SLC38A1: variants seen among roughly 807,000 people sequenced by gnomAD.
SLC38A1 encodes the protein solute carrier family 38 member 1, also known as sodium-coupled neutral amino acid symporter 1.
In SLC38A1, 18 loss-of-function variants were observed where a neutral mutation model predicts 60.3. The ratio of observed to expected loss-of-function variants is 0.30; its 90% confidence interval spans 0.21 to 0.44. The LOEUF (loss-of-function observed/expected upper bound fraction) is 0.44, where lower values mean the gene tolerates loss of function less well. Among genes scored for constraint, SLC38A1 ranks in the 20% least tolerant of loss-of-function variants. The probability of loss-of-function intolerance (pLI) is 1.00; values close to 1 mark genes in which losing one functional copy is unlikely to be tolerated. For missense variants in SLC38A1, 448 were observed against 587.2 expected, an observed-to-expected ratio of 0.76 and a Z score of 2.45; for synonymous variants, 196 against 212.1, an observed-to-expected ratio of 0.92 and a Z score of 0.66.
intron 5 of SLC38A1, among the ~76,000 whole-genome samples, chr12:46,213,003 T>C (rs1000858133): frequency 2.6e-5 from 4 of 152,214 alleles, no homozygotes; most frequent in South Asian, 2.1e-4. Context: ...ATTGTGCTCT[T>C]TAACTCAAAC....
intron 16 of SLC38A1, chr12:46,197,384 C>T (rs948772095): frequency 1.7e-5 from 3 of 178,582 alleles, no homozygotes; most frequent in South Asian, 1.5e-4. Flanking sequence ...TGGTGGCGGG[C>T]GCCTGTAGTC....
At chr12:46,222,785 C>G (rs1254598631) in intron 5 of SLC38A1, among the ~76,000 whole-genome samples, 1 of 152,114 alleles carries the variant, frequency 6.6e-6, no homozygotes, top group African/African-American at 2.4e-5. Context: ...ATGCAGGAAC[C>G]CACATGACAA....
In SLC38A1 at chr12:46,216,873, C is replaced by A. The variant is rs547347574; in HGVS notation, c.315-7746G>T. Among the ~76,000 whole-genome samples the A allele has an allele frequency of 2.1e-3, 317 of 150,600 alleles. 2 individuals are homozygous for A. Among genetic ancestry groups the A allele is most frequent in the African/African-American group, 7.5e-3 (304 of 40,688 alleles). ...AGATGCCGTTTCAAAAAAAAAAAAT[C>A]CTTTGTTTAATGAGAGCTCAGATGG... On this transcript the variant is annotated intron_variant, in intron 5 of 16. Transcript: ENST00000398637.
chr12:46,206,123 A>G lies in SLC38A1; in HGVS notation c.603T>C (p.Val201=), dbSNP rs765161294. Residue 201 remains valine (V), a synonymous_variant, in exon 9 of 17, where the codon GTT becomes GTC. Coordinates refer to ENST00000398637, the MANE Select transcript of SLC38A1 (RefSeq NM_030674.4). ...YVDGRVLVVI[V]TFGIILPLCL... The stretch of plus-strand genomic sequence containing the variant: ...ACAGAGGGAGAATTATGCCAAAGGT[A>G]ACTATCACCACCAGAACGCGGCCAT... The G allele has an allele frequency of 2.5e-6, 4 of 1,612,268 alleles. No individual in the cohort carries two copies. In the South Asian group the frequency reaches 4.4e-5, roughly 18 times the overall value.
chr12:46,195,383 A>C (rs1471269105), intron 16 of SLC38A1, among the ~76,000 whole-genome samples: 1 of 152,206 alleles, frequency 6.6e-6, no homozygotes, highest in East Asian at 1.9e-4. Flanking sequence ...TTCCCAGTCC[A>C]GCTACATGGG....
intron 5 of SLC38A1, among the ~76,000 whole-genome samples, chr12:46,220,563 G>T (rs1940618997): frequency 6.6e-6 from 1 of 152,160 alleles, no homozygotes; most frequent in South Asian, 2.1e-4. Context: ...AGGAGGCAAA[G>T]AACTGCTCAC....
At chr12:46,212,894 T>C (rs553312644) in intron 5 of SLC38A1, among the ~76,000 whole-genome samples, 1 of 152,334 alleles carries the variant, frequency 6.6e-6, no homozygotes, top group Non-Finnish European at 1.5e-5. Flanking sequence ...TGTCGCTACT[T>C]CTATCCTTGG....
intron 3 of SLC38A1, among the ~76,000 whole-genome samples, chr12:46,234,941 A>G (rs1941207999): frequency 6.6e-6 from 1 of 152,164 alleles, no homozygotes; most frequent in Admixed American, 6.5e-5. Context: ...TGCCTTTGAC[A>G]TGTTATCTCA....
chr12:46,236,735 C>T (rs1274310018), intron 3 of SLC38A1, among the ~76,000 whole-genome samples: 2 of 152,174 alleles, frequency 1.3e-5, no homozygotes, highest in Non-Finnish European at 2.9e-5. Context: ...TTTAGAGGAA[C>T]AGTCTAGAGC....
At chr12:46,240,833 A>T (rs1250666908) in intron 2 of SLC38A1, among the ~76,000 whole-genome samples, 2 of 152,184 alleles carry the variant, frequency 1.3e-5, no homozygotes, top group African/African-American at 2.4e-5. Flanking sequence ...TATATTACTC[A>T]TCAGAAATGA....
At position 46,188,770 on chromosome 12, in the gene SLC38A1, A is replaced by G; in HGVS notation, c.*200T>C. On this transcript the variant is annotated 3_prime_UTR_variant, in exon 17 of 17. Coordinates refer to ENST00000398637, the MANE Select transcript of SLC38A1 (RefSeq NM_030674.4). ...TTGAAAAAAAAATTTCACAATCCCT[A>G]AATTGATCTCAAATCTTGGAGGGAC... 2.1e-6 allele frequency: 1 copy of G among 477,526 alleles called. No individual in the cohort carries two copies. Among genetic ancestry groups the G allele is most frequent in the Middle Eastern group, 3.0e-4 (1 of 3,328 alleles). The allele number at this position is 477,526 out of a possible 1,614,324, so 29.6% of individuals were successfully genotyped here.
intron 1 of SLC38A1, among the ~76,000 whole-genome samples, chr12:46,248,274 C>G (rs1014096827): frequency 2.0e-5 from 3 of 152,136 alleles, no homozygotes; most frequent in Non-Finnish European, 4.4e-5. Context: ...CGTAATTGTG[C>G]TGTATTCAAG....
At chr12:46,189,587 T>A (rs1308612380) in intron 16 of SLC38A1, among the ~76,000 whole-genome samples, 2 of 152,194 alleles carry the variant, frequency 1.3e-5, no homozygotes, top group East Asian at 3.8e-4. Flanking sequence ...GAAGGGCTGA[T>A]GAAGGCCATA....
chr12:46,206,252 A>G, intron 8 of SLC38A1, 90 bp from the exon 9 acceptor site: 1 of 628,100 alleles, frequency 1.6e-6, no homozygotes, highest in African/African-American at 1.9e-5. Flanking sequence ...CATGATATAT[A>G]TTTTTATTAA....
chr12:46,205,821 A>C (rs1021911965), intron 9 of SLC38A1, among the ~76,000 whole-genome samples: 5 of 152,168 alleles, frequency 3.3e-5, no homozygotes, highest in Admixed American at 3.3e-4. Context: ...GTACTACTGA[A>C]AATAGCCCTG....
intron 16 of SLC38A1, among the ~76,000 whole-genome samples, chr12:46,190,383 C>T (rs1308428974): frequency 6.6e-6 from 1 of 152,164 alleles, no homozygotes; most frequent in Non-Finnish European, 1.5e-5. Flanking sequence ...GTGAATAGTG[C>T]CACAATAAAC....
chr12:46,246,925 C>A (rs1941641387), intron 1 of SLC38A1, among the ~76,000 whole-genome samples: 1 of 152,218 alleles, frequency 6.6e-6, no homozygotes, highest in African/African-American at 2.4e-5. Context: ...TTCCAACAGA[C>A]CTGCAGCTGA....
chr12:46,266,173 ATTT>A (rs1942345600), intron 1 of SLC38A1, among the ~76,000 whole-genome samples: 1 of 152,208 alleles, frequency 6.6e-6, no homozygotes, highest in Non-Finnish European at 1.5e-5. Flanking sequence ...TCCAACAAGT[ATTT>A]ATTAAGCAGG....
At chr12:46,221,741 G>A (rs1324395997) in intron 5 of SLC38A1, among the ~76,000 whole-genome samples, 2 of 152,210 alleles carry the variant, frequency 1.3e-5, no homozygotes, top group Non-Finnish European at 2.9e-5. Context: ...TCCTGCCCTT[G>A]TAGGGCTCAG....
Sources: allele counts gnomAD v4.1 joint callset (sites outside exome capture counted in the v4.1 genomes callset), GRCh38; gene constraint gnomAD v4.1.1; transcripts MANE v1.5; gene names NCBI Gene and HGNC (gene_info 2026-07-23, HGNC 2026-07-21).